The following OR4N2 variants were observed in gnomAD, a reference collection of about 807,000 sequenced individuals.
OR4N2 encodes olfactory receptor 4N2.
For synonymous variants in OR4N2, 141 were observed against 140.4 expected (o/e 1.00, Z -0.03); for missense variants, 307 against 377.6 (o/e 0.81, Z 1.55).
At chr14:19,824,449 C>A (rs146496777) in intron 1 of OR4N2, among the ~76,000 whole-genome samples, 1 of 152,140 alleles carries the variant, frequency 6.6e-6, no homozygotes, top group African/African-American at 2.4e-5. Context: ...CTTCAGAAAT[C>A]CTCAAATGTC....
At chr14:19,826,168 C>T (rs1046504602) in intron 1 of OR4N2, among the ~76,000 whole-genome samples, 1 of 152,356 alleles carries the variant, frequency 6.6e-6, no homozygotes, top group Non-Finnish European at 1.5e-5. Flanking sequence ...TCTTTCTATA[C>T]TTCAGTGGAT....
intron 1 of OR4N2, among the ~76,000 whole-genome samples, chr14:19,810,845 A>G (rs1298982758): frequency 7.9e-5 from 12 of 152,262 alleles, no homozygotes; most frequent in Non-Finnish European, 1.6e-4. Context: ...TAAGAATAAC[A>G]AGAGAAGCAC....
At chr14:19,822,366 G>A (rs1795712283) in intron 1 of OR4N2, 1 of 152,248 alleles carries the variant, frequency 6.6e-6, no homozygotes, top group Admixed American at 6.5e-5. Flanking sequence ...AGAAATGGTA[G>A]GCTAAAAGCT....
intron 1 of OR4N2, among the ~76,000 whole-genome samples, chr14:19,823,691 T>C (rs1256401667): frequency 7.2e-6 from 1 of 138,122 alleles, no homozygotes; most frequent in Non-Finnish European, 1.6e-5. Flanking sequence ...AAAGAAAAAA[T>C]AATAAAGAAC....
chr14:19,810,287 G>A (rs1484008646), intron 1 of OR4N2, among the ~76,000 whole-genome samples: 3 of 152,172 alleles, frequency 2.0e-5, no homozygotes, highest in Non-Finnish European at 4.4e-5. Context: ...AAACCACAAC[G>A]AGATACCAAC....
chr14:19,808,980 T>C lies in OR4N2; in HGVS notation c.-10+5136T>C, dbSNP rs184362947. Among the ~76,000 whole-genome samples, 257 of 152,264 alleles carry C rather than the reference T, an allele frequency of 1.7e-3. 2 individuals are homozygous for C. Among genetic ancestry groups the C allele is most frequent in the African/African-American group, 5.8e-3 (240 of 41,534 alleles). ...AAATAAATCCATGCACTTACAACCA[T>C]CTGCTCTTCAACAAGGCTGACAGAA... On this transcript the variant is annotated intron_variant, in intron 1 of 1. Coordinates refer to ENST00000557677, the MANE Select transcript of OR4N2 (RefSeq NM_001004723.3).
rs751939339 is a variant in OR4N2 at position 19,828,312 on chromosome 14, C to G, written c.864C>G (p.Thr288=). 2 of 1,614,078 alleles carry G rather than the reference C, an allele frequency of 1.2e-6. No homozygotes were observed. Among genetic ancestry groups the G allele is most frequent in the East Asian group, 2.2e-5 (1 of 44,886 alleles). The stretch of plus-strand genomic sequence containing the variant: ...CTTTGTTGAATCCTGTCATTTATAC[C>G]CTTCGCAACCAGGAAGTGAAAGCTT... ...IFPLLNPVIY[T]LRNQEVKASM... is the part of the protein sequence containing the mutation. Residue 288 remains threonine, a synonymous_variant, in exon 2 of 2, where the codon ACC becomes ACG. Coordinates refer to ENST00000557677, the MANE Select transcript of OR4N2 (RefSeq NM_001004723.3).
At chr14:19,805,295 A>G (rs1487952862) in intron 1 of OR4N2, among the ~76,000 whole-genome samples, 1 of 152,206 alleles carries the variant, frequency 6.6e-6, no homozygotes, top group Non-Finnish European at 1.5e-5. Context: ...TCTGGATGTC[A>G]TGGAAGCTCA....
In OR4N2 at chr14:19,829,241, C is replaced by T. The variant is rs1218290378; in HGVS notation, c.*869C>T. 6.6e-6 allele frequency: 1 copy of T among 152,124 alleles called. No homozygotes were observed. Among genetic ancestry groups the T allele is most frequent in the Non-Finnish European group, 1.5e-5 (1 of 68,014 alleles). 9.4% of individuals were successfully genotyped at this position (152,124 alleles called of 1,614,324 possible). ...AACATTTTACTTTTTTTTTCTAGAG[C>T]TTCATGATTACTCCTAGCAAATTTT... On this transcript the variant is annotated 3_prime_UTR_variant, in exon 2 of 2. Transcript: ENST00000557677.
intron 1 of OR4N2, among the ~76,000 whole-genome samples, chr14:19,811,404 G>A (rs1879293295): frequency 6.6e-6 from 1 of 152,072 alleles, no homozygotes; most frequent in South Asian, 2.1e-4. Context: ...CCACCACCAC[G>A]CCTGGCTAAT....
intron 1 of OR4N2, among the ~76,000 whole-genome samples, chr14:19,822,660 T>G (rs4520752): frequency 1.3e-5 from 2 of 151,924 alleles, no homozygotes; most frequent in Non-Finnish European, 2.9e-5. Flanking sequence ...CTCAAAGACA[T>G]TGACAAAAGA....
chr14:19,821,835 A>C (rs1327792434), intron 1 of OR4N2: 1 of 152,278 alleles, frequency 6.6e-6, no homozygotes, highest in African/African-American at 2.4e-5. Context: ...ATCTCAAAAG[A>C]ACTTTCTCCA....
intron 1 of OR4N2, among the ~76,000 whole-genome samples, chr14:19,820,169 G>A (rs868186591): frequency 5.9e-5 from 9 of 152,338 alleles, no homozygotes; most frequent in Middle Eastern, 3.4e-3. Flanking sequence ...AGGCATCAGG[G>A]AGCCACTTGA....
intron 1 of OR4N2, among the ~76,000 whole-genome samples, chr14:19,813,820 A>G (rs1029010195): frequency 7.1e-6 from 1 of 140,296 alleles, no homozygotes; most frequent in Non-Finnish European, 1.5e-5. Context: ...CTTGTGGACT[A>G]GTATCTCTCT....
intron 1 of OR4N2, among the ~76,000 whole-genome samples, chr14:19,812,365 C>T (rs1202018868): frequency 6.6e-5 from 8 of 121,730 alleles, no homozygotes; most frequent in African/African-American, 1.9e-4. Flanking sequence ...CTCGCTCTGT[C>T]GCCCAGGCTG....
chr14:19,815,655 G>GTTTTTTTTTTTTTTTT (rs59019427), intron 1 of OR4N2, among the ~76,000 whole-genome samples: 10 of 138,516 alleles, frequency 7.2e-5, no homozygotes, highest in South Asian at 2.3e-4. Flanking sequence ...GTTTTTTTTT[G>GTTTTTTTTTTTTTTTT]TTTTTTTTTT....
At chr14:19,812,778 G>A (rs570130641) in intron 1 of OR4N2, among the ~76,000 whole-genome samples, 1 of 152,216 alleles carries the variant, frequency 6.6e-6, no homozygotes, top group East Asian at 1.9e-4. Context: ...GTGCTTATTG[G>A]CCGTAAACAT....
intron 1 of OR4N2, among the ~76,000 whole-genome samples, chr14:19,804,308 C>A (rs1368905383): frequency 6.6e-6 from 1 of 152,096 alleles, no homozygotes; most frequent in East Asian, 1.9e-4. Flanking sequence ...AATTTGAAAT[C>A]TTTCCAATCT....
intron 1 of OR4N2, among the ~76,000 whole-genome samples, chr14:19,819,590 C>A (rs1282084415): frequency 3.9e-5 from 6 of 152,232 alleles, no homozygotes; most frequent in African/African-American, 9.6e-5. Flanking sequence ...ATTCCTCTAA[C>A]CTTTTTCAAG....
Sources: gnomAD v4.1 joint callset for allele counts (sites outside exome capture counted in the v4.1 genomes callset) on GRCh38, gnomAD v4.1.1 for gene constraint, MANE v1.5 for transcripts, NCBI Gene and HGNC (gene_info 2026-07-23, HGNC 2026-07-21) for gene names.